The following SNX30 variants were observed in gnomAD, a reference collection of about 807,000 sequenced individuals.
SNX30 encodes sorting nexin-30.
A neutral mutation model predicts 46.4 loss-of-function variants in SNX30; 24 were observed. That is an observed-to-expected ratio of 0.52 (90% CI 0.37 to 0.73). The LOEUF is 0.73. Ranked by LOEUF, SNX30 falls within the 30% of genes least tolerant of loss-of-function variation. The pLI, the probability that SNX30 is intolerant of heterozygous loss-of-function variation, is 0.00. For missense variants in SNX30, 533 were observed against 555.7 expected, an observed-to-expected ratio of 0.96 and a Z score of 0.41; for synonymous variants, 189 against 211.5, an observed-to-expected ratio of 0.89 and a Z score of 0.92.
chr9:112,780,293 G>A (rs1359366059), intron 1 of SNX30, among the ~76,000 whole-genome samples: 1 of 152,218 alleles, frequency 6.6e-6, no homozygotes, highest in Non-Finnish European at 1.5e-5. Flanking sequence ...CATGAACAGA[G>A]TTTTGGAGAT....
At position 112,806,068 on chromosome 9, in the gene SNX30, A is replaced by G. The variant is rs181641276; in HGVS notation, c.348+1101A>G. Among the ~76,000 whole-genome samples, 4 of 152,338 alleles carry G rather than the reference A, an allele frequency of 2.6e-5. No individual in the cohort carries two copies. The East Asian group carries it at 7.7e-4, about 29-fold the overall frequency. On this transcript the variant is annotated intron_variant, in intron 2 of 8. Coordinates refer to ENST00000374232, the MANE Select transcript of SNX30 (RefSeq NM_001012994.2). Reference sequence around the variant, plus strand: ...AACAAGGTTTCCCAATCTTGGCAGTATTAACCTTTTGGACTGAAGAGTTCT... The same window carrying G: ...AACAAGGTTTCCCAATCTTGGCAGTGTTAACCTTTTGGACTGAAGAGTTCT...
At chr9:112,754,016 T>G (rs1839313043) in intron 1 of SNX30, among the ~76,000 whole-genome samples, 1 of 152,158 alleles carries the variant, frequency 6.6e-6, no homozygotes, top group African/African-American at 2.4e-5. Context: ...GGTCTGTCTT[T>G]GAAAAGAAGC....
intron 2 of SNX30, among the ~76,000 whole-genome samples, chr9:112,815,873 C>T (rs1840388935): frequency 1.3e-5 from 2 of 152,130 alleles, no homozygotes; most frequent in African/African-American, 4.8e-5. Flanking sequence ...GACAAGGTCT[C>T]ACTCTGTCGC....
At position 112,766,353 on chromosome 9, in the gene SNX30, CT is replaced by C. The variant is rs11387110; in HGVS notation, c.156+15206del. 4.0e-5 allele frequency among the ~76,000 whole-genome samples: 6 copies of C among 150,274 alleles called. No individual in the cohort carries two copies. The South Asian group carries it at 6.3e-4, about 16-fold the overall frequency. On this transcript the variant is annotated intron_variant, in intron 1 of 8. Coordinates refer to ENST00000374232, the MANE Select transcript of SNX30 (RefSeq NM_001012994.2). ...TTGGGTTGTTTCCTAAGCACATGTA[CT>C]TTTTTTTTTCCCAAAGAAAAGACAT... is the stretch of plus-strand genomic sequence containing the variant.
rs904690418 is a variant in SNX30 at position 112,750,794 on chromosome 9, G to GGGCGCGGAGCGGGGGCGCGC, written c.-195_-176dup. Reference sequence around the variant, plus strand: ...CTGCCAGCGGACCCGCGGCGGGCTCGGGCGCGGAGCGGGGGCGCGCGGCGC... The same window carrying GGGCGCGGAGCGGGGGCGCGC: ...CTGCCAGCGGACCCGCGGCGGGCTCGGGCGCGGAGCGGGGGCGCGCGGCGCGGAGCGGGGGCGCGCGGCGC... On this transcript the variant is annotated 5_prime_UTR_variant, in exon 1 of 9. Transcript: ENST00000374232. 96 of 197,402 alleles carry GGGCGCGGAGCGGGGGCGCGC rather than the reference G, an allele frequency of 4.9e-4. No individual in the cohort carries two copies. The highest frequency in any genetic ancestry group is 2.0e-3 in the East Asian group (11 of 5,372). The allele number at this position is 197,402 out of a possible 1,614,324, so 12.2% of individuals were successfully genotyped here.
rs540058598 is a variant in SNX30 at position 112,766,977 on chromosome 9, G to T, written c.156+15820G>T. ...GGATATGGATATATACCTAGAAGGG[G>T]ATTGGCAGATCATGTGATAACCTGT... On this transcript the variant is annotated intron_variant, in intron 1 of 8. Coordinates refer to ENST00000374232, the MANE Select transcript of SNX30 (RefSeq NM_001012994.2). Among the ~76,000 whole-genome samples, 13 of 152,322 alleles carry T rather than the reference G, an allele frequency of 8.5e-5. 1 individual carries two copies. In the South Asian group the frequency reaches 2.7e-3, roughly 32 times the overall value.
chr9:112,786,900 GT>G (rs1327726053), intron 1 of SNX30, among the ~76,000 whole-genome samples: 1 of 152,106 alleles, frequency 6.6e-6, no homozygotes, highest in Non-Finnish European at 1.5e-5. Context: ...CCCTCTTCCT[GT>G]TTTTTCTCTT....
intron 1 of SNX30, among the ~76,000 whole-genome samples, chr9:112,766,770 T>C (rs1638538075): frequency 6.6e-6 from 1 of 152,250 alleles, no homozygotes; most frequent in South Asian, 2.1e-4. Context: ...GGCTCATCCA[T>C]GCTGTAGCAT....
At chr9:112,804,665 A>G (rs1274511152) in intron 1 of SNX30, 111 bp from the exon 2 acceptor site, 4 of 935,812 alleles carry the variant, frequency 4.3e-6, no homozygotes, top group Non-Finnish European at 6.3e-6. Context: ...GTGTTTCGAA[A>G]GTTATTTTTG....
intron 2 of SNX30, among the ~76,000 whole-genome samples, chr9:112,816,651 T>A (rs111830314): frequency 1.3e-4 from 20 of 152,372 alleles, no homozygotes; most frequent in African/African-American, 4.8e-4. Flanking sequence ...ATGCTAGAGC[T>A]GTTCACAGCT....
intron 7 of SNX30, among the ~76,000 whole-genome samples, chr9:112,862,282 C>T (rs958624784): frequency 6.6e-6 from 1 of 152,178 alleles, no homozygotes; most frequent in Non-Finnish European, 1.5e-5. Flanking sequence ...GTGAGGTTCT[C>T]TTTCCAGGGC....
At chr9:112,876,692 T>C (rs1042543752), downstream of SNX30, among the ~76,000 whole-genome samples, 1 of 151,854 alleles carries the variant, frequency 6.6e-6, no homozygotes, top group Non-Finnish European at 1.5e-5. Context: ...ATCCCAGCAC[T>C]TTGGGAGGTC....
At chr9:112,772,786 G>A (rs974742137) in intron 1 of SNX30, among the ~76,000 whole-genome samples, 1 of 152,208 alleles carries the variant, frequency 6.6e-6, no homozygotes, top group Non-Finnish European at 1.5e-5. Context: ...AAACGAATAT[G>A]TCTTCAAGTG....
chr9:112,838,162 T>G (rs1415181064), intron 5 of SNX30, among the ~76,000 whole-genome samples: 2 of 152,134 alleles, frequency 1.3e-5, no homozygotes, highest in African/African-American at 4.8e-5. Flanking sequence ...AGTGCTGGGA[T>G]TACAGGTATG....
At chr9:112,754,882 C>A (rs1016171687) in intron 1 of SNX30, among the ~76,000 whole-genome samples, 3 of 152,204 alleles carry the variant, frequency 2.0e-5, no homozygotes, top group Non-Finnish European at 4.4e-5. Context: ...CACCTCCTCC[C>A]ACATCCTCAA....
chr9:112,797,420 G>C (rs1749091361), intron 1 of SNX30, among the ~76,000 whole-genome samples: 1 of 152,066 alleles, frequency 6.6e-6, no homozygotes, highest in Admixed American at 6.6e-5. Context: ...TGATCAGCTT[G>C]GGCATCTTGT....
chr9:112,762,326 G>C (rs1839453275), intron 1 of SNX30, among the ~76,000 whole-genome samples: 1 of 152,138 alleles, frequency 6.6e-6, no homozygotes, highest in Non-Finnish European at 1.5e-5. Context: ...CAGCGTGTTT[G>C]GGTGGCCGAG....
intron 4 of SNX30, among the ~76,000 whole-genome samples, chr9:112,833,585 A>G (rs1022142722): frequency 6.6e-6 from 1 of 152,236 alleles, no homozygotes; most frequent in Middle Eastern, 3.2e-3. Context: ...CAATATTTTC[A>G]TCTTTGGCAG....
chr9:112,805,743 A>G (rs1161168300), intron 2 of SNX30, among the ~76,000 whole-genome samples: 1 of 152,236 alleles, frequency 6.6e-6, no homozygotes, highest in African/African-American at 2.4e-5. Context: ...TGCTGGGATT[A>G]CAGGCATGAG....
Sources: allele counts gnomAD v4.1 joint callset (sites outside exome capture counted in the v4.1 genomes callset), GRCh38; gene constraint gnomAD v4.1.1; transcripts MANE v1.5; gene names NCBI Gene and HGNC (gene_info 2026-07-23, HGNC 2026-07-21).